The following CLMP variants were observed in gnomAD, a reference collection of about 807,000 sequenced individuals.
The protein encoded by CLMP is CXADR like cell adhesion molecule.
Under a neutral mutation model 45.2 loss-of-function variants are expected in CLMP, and 27 were observed. The ratio of observed to expected loss-of-function variants is 0.60; its 90% CI spans 0.44 to 0.82. CLMP has a LOEUF of 0.82. Ranked by LOEUF, CLMP falls within the 40% of genes least tolerant of loss-of-function variation. The pLI, the probability that CLMP is intolerant of heterozygous loss-of-function variation, is 0.00. For missense variants in CLMP, 403 were observed against 448.4 expected, an observed-to-expected ratio of 0.90 and a Z score of 0.91; for synonymous variants, 167 against 171.4, an observed-to-expected ratio of 0.97 and a Z score of 0.20.
intron 1 of CLMP, among the ~76,000 whole-genome samples, chr11:123,179,292 C>G (rs1307869481): frequency 1.3e-5 from 2 of 152,136 alleles, no homozygotes; most frequent in Admixed American, 1.3e-4. Context: ...CTGTTGTTTG[C>G]TCAAATGGAG....
chr11:123,112,064 G>A (rs1860646502), intron 1 of CLMP, among the ~76,000 whole-genome samples: 1 of 152,130 alleles, frequency 6.6e-6, no homozygotes, highest in Non-Finnish European at 1.5e-5. Flanking sequence ...ATCAGATGTG[G>A]TCAACTATGG....
intron 1 of CLMP, among the ~76,000 whole-genome samples, chr11:123,145,455 T>TG (rs1861223336): frequency 1.2e-5 from 1 of 85,824 alleles, no homozygotes. Context: ...TGCGGCTGTT[T>TG]TTTTTTTTTT....
At chr11:123,128,239 G>GA (rs577733772) in intron 1 of CLMP, among the ~76,000 whole-genome samples, 124 of 124,114 alleles carry the variant, frequency 1.0e-3, no homozygotes, top group Middle Eastern at 4.1e-3. Flanking sequence ...ATTAAAAAAA[G>GA]AAAAAAAAAA....
Position 123,071,459 on chromosome 11 carries a change from G to A in CLMP, c.*2015C>T. The A allele has an allele frequency of 6.6e-6, 1 of 151,966 alleles. No individual in the cohort carries two copies. The highest frequency in any genetic ancestry group is 1.5e-5 in the Non-Finnish European group (1 of 68,062). The allele number at this position is 151,966 out of a possible 1,614,324, so 9.4% of individuals were successfully genotyped here. A position where few individuals can be genotyped will look rare whatever the true frequency, so the allele number is the denominator to read the frequency against. ...CAAAAAAAAAAGTATTCTGAGCCAG[G>A]TGCAGTGGCTTCCAGCACTGTGGGA... On this transcript the variant is annotated 3_prime_UTR_variant, in exon 7 of 7. Transcript: ENST00000448775.
At chr11:123,083,335 T>A in intron 4 of CLMP, 128 bp from the exon 5 acceptor site, 2 of 986,094 alleles carry the variant, frequency 2.0e-6, no homozygotes, top group Non-Finnish European at 3.0e-6. Context: ...ATGGAAAAGA[T>A]ATCCTTTGGG....
intron 2 of CLMP, among the ~76,000 whole-genome samples, chr11:123,085,493 C>T (rs957357513): frequency 6.6e-6 from 1 of 151,602 alleles, no homozygotes; most frequent in Non-Finnish European, 1.5e-5. Flanking sequence ...AGGTGATCCA[C>T]CCTCCTTGGC....
chr11:123,192,252 T>A (rs1345887574), intron 1 of CLMP, among the ~76,000 whole-genome samples: 1 of 152,204 alleles, frequency 6.6e-6, no homozygotes, highest in Non-Finnish European at 1.5e-5. Flanking sequence ...CAGAATGAAG[T>A]GTTTATACTC....
intron 1 of CLMP, among the ~76,000 whole-genome samples, chr11:123,164,804 C>T (rs1340393711): frequency 1.3e-5 from 2 of 152,102 alleles, no homozygotes; most frequent in African/African-American, 4.8e-5. Context: ...GTGCTCAAAA[C>T]ATTTAGATGA....
At chr11:123,147,237 C>G (rs1378578387) in intron 1 of CLMP, among the ~76,000 whole-genome samples, 1 of 152,026 alleles carries the variant, frequency 6.6e-6, no homozygotes, top group African/African-American at 2.4e-5. Context: ...TGTCCCATTG[C>G]CATGCTCTGT....
intron 1 of CLMP, among the ~76,000 whole-genome samples, chr11:123,103,980 C>G (rs1217670636): frequency 6.6e-6 from 1 of 151,570 alleles, no homozygotes; most frequent in Non-Finnish European, 1.5e-5. Context: ...CAGGCATGCA[C>G]CACCATGCCT....
intron 1 of CLMP, among the ~76,000 whole-genome samples, chr11:123,158,983 C>T (rs1278779045): frequency 1.3e-5 from 2 of 152,154 alleles, no homozygotes; most frequent in African/African-American, 4.8e-5. Context: ...TTTCTATGTG[C>T]CAGGGATTGT....
chr11:123,167,265 G>A (rs1434182045), intron 1 of CLMP, among the ~76,000 whole-genome samples: 2 of 152,148 alleles, frequency 1.3e-5, no homozygotes, highest in African/African-American at 4.8e-5. Context: ...CATCCAGTTA[G>A]AAAGACAGAT....
At chr11:123,102,279 G>GTTTT (rs1174991262) in intron 1 of CLMP, among the ~76,000 whole-genome samples, 33 of 120,904 alleles carry the variant, frequency 2.7e-4, no homozygotes, top group East Asian at 5.2e-4. Flanking sequence ...ATCTTTCCAG[G>GTTTT]TTTTTTTTTT....
chr11:123,088,686 C>T (rs888242078), intron 2 of CLMP, among the ~76,000 whole-genome samples: 3 of 152,082 alleles, frequency 2.0e-5, no homozygotes, highest in Non-Finnish European at 2.9e-5. Context: ...AGTGCAGTGG[C>T]GTAATCTCCA....
chr11:123,180,463 C>T (rs1861754382), intron 1 of CLMP, among the ~76,000 whole-genome samples: 1 of 152,130 alleles, frequency 6.6e-6, no homozygotes, highest in Non-Finnish European at 1.5e-5. Flanking sequence ...TCACCAGACA[C>T]CTAACCTGTT....
intron 1 of CLMP, among the ~76,000 whole-genome samples, chr11:123,130,841 C>CTT (rs11322192): frequency 7.0e-4 from 88 of 126,270 alleles, no homozygotes; most frequent in East Asian, 9.1e-4. Flanking sequence ...TTTTCTTTTC[C>CTT]TTTTTTTTTT....
intron 1 of CLMP, among the ~76,000 whole-genome samples, chr11:123,182,638 G>A (rs1009488210): frequency 6.6e-6 from 1 of 152,108 alleles, no homozygotes; most frequent in African/African-American, 2.4e-5. Context: ...TGAATCCTCA[G>A]GCCCAAGAAC....
chr11:123,095,049 A>C (rs1865974594), intron 2 of CLMP, among the ~76,000 whole-genome samples: 1 of 152,208 alleles, frequency 6.6e-6, no homozygotes, highest in Non-Finnish European at 1.5e-5. Flanking sequence ...GTAAGTGCTA[A>C]ATAAGTTTGT....
At chr11:123,143,334 T>C (rs1306605747) in intron 1 of CLMP, among the ~76,000 whole-genome samples, 1 of 152,218 alleles carries the variant, frequency 6.6e-6, no homozygotes, top group Non-Finnish European at 1.5e-5. Flanking sequence ...CACAGGTTTT[T>C]TGAAGTGCAG....
Sources: gnomAD v4.1 joint callset for allele counts (sites outside exome capture counted in the v4.1 genomes callset) on GRCh38, gnomAD v4.1.1 for gene constraint, MANE v1.5 for transcripts, NCBI Gene and HGNC (gene_info 2026-07-23, HGNC 2026-07-21) for gene names.